DENND4C: variants seen among roughly 807,000 people sequenced by gnomAD.
DENND4C encodes DENN domain-containing protein 4C.
Under a neutral mutation model 203.0 loss-of-function variants are expected in DENND4C, and 108 were observed. That is an observed-to-expected ratio of 0.53 (90% confidence interval 0.46 to 0.62). The LOEUF is 0.62. Ranked by LOEUF, DENND4C falls within the 20% of genes least tolerant of loss-of-function variation. The pLI, the probability that DENND4C is intolerant of heterozygous loss-of-function variation, is 0.00. For missense variants in DENND4C, 2,481 were observed against 2,301.2 expected (o/e 1.08, Z -1.60); for synonymous variants, 871 against 792.4 (o/e 1.10, Z -1.67).
chr9:19,250,606 C>A (rs181985168), intron 1 of DENND4C, among the ~76,000 whole-genome samples: 1 of 152,236 alleles, frequency 6.6e-6, no homozygotes, highest in African/African-American at 2.4e-5. Flanking sequence ...AAGTTTCCTC[C>A]GCCGATTAGC....
chr9:19,334,356 C>T (rs1286326047), intron 17 of DENND4C, among the ~76,000 whole-genome samples: 1 of 151,868 alleles, frequency 6.6e-6, no homozygotes, highest in African/African-American at 2.4e-5. Flanking sequence ...CGGCCTCTAT[C>T]CTTGATTTTA....
Position 19,373,741 on chromosome 9 carries a change from G to C in DENND4C, c.*1568G>C, listed in dbSNP as rs10117044. ...GTTTAAAAAGCCATTGGTTTTGTGT[G>C]TGTTTACAGTAATTATGCAGATGAC... is the stretch of plus-strand genomic sequence containing the variant. On this transcript the variant is annotated 3_prime_UTR_variant, in exon 33 of 33. Coordinates refer to ENST00000434457, the MANE Select transcript of DENND4C (RefSeq NM_001330640.2). 0.032 allele frequency among the ~76,000 whole-genome samples: 4,805 copies of C among 152,180 alleles called. 254 individuals are homozygous for C. Among genetic ancestry groups the C allele is most frequent in the African/African-American group, 0.11 (4,547 of 41,528 alleles).
chr9:19,305,119 G>A (rs1208125377), intron 9 of DENND4C, among the ~76,000 whole-genome samples: 1 of 152,068 alleles, frequency 6.6e-6, no homozygotes, highest in Admixed American at 6.6e-5. Context: ...GCAAAAAGCT[G>A]TTAGTATTTT....
At chr9:19,336,651 A>G (rs1029684042) in intron 19 of DENND4C, 35 bp from the exon 20 acceptor site, 3 of 1,538,284 alleles carry the variant, frequency 2.0e-6, no homozygotes, top group African/African-American at 1.4e-5. Flanking sequence ...TTATCAATGC[A>G]TGAGTTATTG....
At chr9:19,340,333 C>T (rs904467776) in intron 20 of DENND4C, among the ~76,000 whole-genome samples, 19 of 152,184 alleles carry the variant, frequency 1.2e-4, no homozygotes, top group African/African-American at 4.3e-4. Context: ...GGTAGATACT[C>T]AAAATAATGT....
At chr9:19,361,090 C>T (rs1348411296) in intron 29 of DENND4C, among the ~76,000 whole-genome samples, 1 of 152,108 alleles carries the variant, frequency 6.6e-6, no homozygotes, top group East Asian at 1.9e-4. Flanking sequence ...GTTTGAATTC[C>T]TGACCTAAGG....
intron 1 of DENND4C, among the ~76,000 whole-genome samples, chr9:19,245,496 C>G (rs906004857): frequency 9.6e-5 from 14 of 145,394 alleles, no homozygotes; most frequent in Admixed American, 2.8e-4. Flanking sequence ...CCAGGTGGCT[C>G]CAATGTATAG....
At chr9:19,287,797 A>C (rs181180487) in intron 3 of DENND4C, among the ~76,000 whole-genome samples, 28 of 151,868 alleles carry the variant, frequency 1.8e-4, no homozygotes, top group African/African-American at 6.5e-4. Flanking sequence ...CAGTGGCGTG[A>C]TCTTGGCTCA....
At chr9:19,238,181 C>A (rs957223055) in intron 1 of DENND4C, among the ~76,000 whole-genome samples, 4 of 151,272 alleles carry the variant, frequency 2.6e-5, no homozygotes, top group Non-Finnish European at 5.9e-5. Flanking sequence ...CTCCTGGATT[C>A]AAGCGATTCT....
intron 2 of DENND4C, among the ~76,000 whole-genome samples, chr9:19,285,300 T>C (rs1248504834): frequency 1.3e-5 from 2 of 152,170 alleles, no homozygotes; most frequent in Non-Finnish European, 2.9e-5. Context: ...AACAGCTTTA[T>C]GGAGATACAA....
At chr9:19,315,210 G>A (rs1394144530) in intron 10 of DENND4C, among the ~76,000 whole-genome samples, 3 of 150,700 alleles carry the variant, frequency 2.0e-5, no homozygotes, top group Non-Finnish European at 4.4e-5. Context: ...AAGGGTACCA[G>A]TTTTATTTGG....
intron 1 of DENND4C, among the ~76,000 whole-genome samples, chr9:19,268,175 C>G (rs892265568): frequency 6.6e-6 from 1 of 151,740 alleles, no homozygotes; most frequent in Non-Finnish European, 1.5e-5. Context: ...TCTCAGCTCA[C>G]TGTAGCCTCG....
chr9:19,318,415 G>C (rs1349164804), intron 12 of DENND4C, among the ~76,000 whole-genome samples: 7 of 152,188 alleles, frequency 4.6e-5, no homozygotes, highest in Non-Finnish European at 8.8e-5. Flanking sequence ...GATTAAATGA[G>C]AAAATATATG....
chr9:19,303,364 C>G (rs1411363629), intron 9 of DENND4C, among the ~76,000 whole-genome samples: 1 of 152,130 alleles, frequency 6.6e-6, no homozygotes, highest in Non-Finnish European at 1.5e-5. Flanking sequence ...TCCTGCCTGC[C>G]AAATCCTGCC....
intron 2 of DENND4C, among the ~76,000 whole-genome samples, chr9:19,285,385 G>T (rs1037913394): frequency 6.6e-6 from 1 of 152,052 alleles, no homozygotes; most frequent in Non-Finnish European, 1.5e-5. Flanking sequence ...GTGTTGTGCA[G>T]CTACCACCAC....
chr9:19,345,775 T>C, intron 22 of DENND4C, 146 bp from the exon 23 acceptor site: 1 of 763,698 alleles, frequency 1.3e-6, no homozygotes, highest in South Asian at 2.4e-5. Context: ...GTGCACTTTT[T>C]TTTATACTTT....
chr9:19,350,326 G>A (rs978870896), intron 23 of DENND4C, among the ~76,000 whole-genome samples: 4 of 152,164 alleles, frequency 2.6e-5, no homozygotes, highest in African/African-American at 4.8e-5. Context: ...AATAAATGGT[G>A]GAGAACAAGG....
At chr9:19,285,968 GT>G (rs899114258) in intron 2 of DENND4C, among the ~76,000 whole-genome samples, 1 of 152,160 alleles carries the variant, frequency 6.6e-6, no homozygotes, top group African/African-American at 2.4e-5. Context: ...ATGTGTGGTA[GT>G]TTTGAAGTAG....
intron 1 of DENND4C, among the ~76,000 whole-genome samples, chr9:19,239,403 A>G (rs1252520180): frequency 1.3e-5 from 2 of 151,966 alleles, no homozygotes; most frequent in Non-Finnish European, 2.9e-5. Flanking sequence ...TTTATATAGT[A>G]TCTTTATGTT....
Sources: allele counts gnomAD v4.1 joint callset (sites outside exome capture counted in the v4.1 genomes callset), GRCh38; gene constraint gnomAD v4.1.1; transcripts MANE v1.5; gene names NCBI Gene and HGNC (gene_info 2026-07-23, HGNC 2026-07-21).